Variants in ABR observed in about 807,000 individuals in gnomAD.
The protein encoded by ABR is active breakpoint cluster region-related protein.
A neutral mutation model predicts 107.2 loss-of-function variants in ABR; 35 were observed. That is an observed-to-expected ratio of 0.33 (90% CI 0.25 to 0.43). ABR has a LOEUF of 0.43. Among genes scored for constraint, ABR ranks in the 20% least tolerant of loss-of-function variants. ABR has a pLI of 1.00. For synonymous variants in ABR, 498 were observed against 462.0 expected (o/e 1.08, Z -1.00); for missense variants, 815 against 1,115.2 (o/e 0.73, Z 3.83).
At chr17:1,118,223 CCCCAGCGTTAACCCTGAGCCTGAGTTCCT>C (rs2039137403) in intron 2 of ABR, among the ~76,000 whole-genome samples, 1 of 71,694 alleles carries the variant, frequency 1.4e-5, no homozygotes, top group Non-Finnish European at 2.9e-5. Flanking sequence ...CCTGAGTTCT[CCCCAGCGTTAACCCTGAGCCTGAGTTCCT>C]CCCAGCGTTA....
At chr17:1,146,747 C>CA (rs1489122286) in intron 1 of ABR, among the ~76,000 whole-genome samples, 2 of 139,928 alleles carry the variant, frequency 1.4e-5, no homozygotes, top group Non-Finnish European at 3.2e-5. Flanking sequence ...GACACCACTG[C>CA]CACCACTGCC....
chr17:1,045,053 T>G (rs2031348038), intron 16 of ABR, among the ~76,000 whole-genome samples: 2 of 152,232 alleles, frequency 1.3e-5, no homozygotes, highest in Admixed American at 6.5e-5. Flanking sequence ...AAACAGGCCC[T>G]GATTAAATCT....
intron 2 of ABR, chr17:1,109,082 C>A: frequency 6.3e-7 from 1 of 1,583,642 alleles, no homozygotes; most frequent in Non-Finnish European, 8.6e-7. Flanking sequence ...AGCCGGAGCC[C>A]GCGGAGGGCA....
intron 1 of ABR, among the ~76,000 whole-genome samples, chr17:1,206,954 A>T (rs746496273): frequency 1.3e-5 from 2 of 152,072 alleles, no homozygotes; most frequent in Non-Finnish European, 1.5e-5. Context: ...GCGTGGTGGC[A>T]TGCGCCTGTA....
chr17:1,108,464 C>G lies in ABR; in HGVS notation c.247-7729G>C, dbSNP rs1030363042. On this transcript the variant is annotated intron_variant, in intron 2 of 22. Transcript: ENST00000302538. The stretch of plus-strand genomic sequence containing the variant: ...CAGCCTCCAAGCCAGCTGTTCCCTC[C>G]CCCCTTCAGCTGACCCAGTGCTTTT... 2.6e-5 allele frequency among the ~76,000 whole-genome samples: 4 copies of G among 152,256 alleles called. No homozygotes were observed. The South Asian group carries it at 6.2e-4, about 24-fold the overall frequency.
chr17:1,110,916 C>G (rs2038637909), intron 2 of ABR, among the ~76,000 whole-genome samples: 1 of 152,166 alleles, frequency 6.6e-6, no homozygotes, highest in Non-Finnish European at 1.5e-5. Flanking sequence ...TCTGAAGGGC[C>G]CTTTCAGCCA....
At chr17:1,083,114 ACT>A (rs2036362546) in intron 5 of ABR, among the ~76,000 whole-genome samples, 1 of 123,988 alleles carries the variant, frequency 8.1e-6, no homozygotes, top group Non-Finnish European at 1.6e-5. Context: ...ACAGAGCAAG[ACT>A]CTGTCTCAAA....
At chr17:1,066,169 G>A (rs1294276151) in intron 10 of ABR, among the ~76,000 whole-genome samples, 1 of 152,162 alleles carries the variant, frequency 6.6e-6, no homozygotes, top group Non-Finnish European at 1.5e-5. Flanking sequence ...GTGAGCCACT[G>A]CACCCAGGCT....
rs961615009 is a variant in ABR at position 1,037,192 on chromosome 17, G to A, written c.1791+12858C>T. On this transcript the variant is annotated intron_variant, in intron 16 of 22. Coordinates refer to ENST00000302538, the MANE Select transcript of ABR (RefSeq NM_021962.5). This position sits in a 1 kb window ranked among gnomAD's most constrained non-coding sequence, Gnocchi z 4.6. ...TTGAAGATGGGCACAGTGTAAGGAA[G>A]AAGGCAGTCAGGATGAAATCAGTTG... Among the ~76,000 whole-genome samples, 9 of 152,234 alleles carry A rather than the reference G, an allele frequency of 5.9e-5. No homozygotes were observed. Among genetic ancestry groups the A allele is most frequent in the Non-Finnish European group, 1.0e-4 (7 of 68,038 alleles).
intron 8 of ABR, 57 bp downstream of exon 8, chr17:1,072,557 C>T (rs528812994): frequency 4.6e-6 from 7 of 1,524,004 alleles, no homozygotes; most frequent in East Asian, 4.8e-5. Context: ...GAGAAGGGGA[C>T]GAGGGACCTG....
rs1442749455 is a variant in ABR at position 1,148,852 on chromosome 17, GA to G, written c.62-23486del. 6.6e-6 allele frequency among the ~76,000 whole-genome samples: 1 copy of G among 152,172 alleles called. No homozygotes were observed. Among genetic ancestry groups the G allele is most frequent in the Non-Finnish European group, 1.5e-5 (1 of 68,018 alleles). ...GGGCCACTGATGCGTACACTGGATG[GA>G]AAATTTTAGGCATGTGTATTTTGCC... On this transcript the variant is annotated intron_variant, in intron 1 of 22. Transcript: ENST00000302538. This position sits in a 1 kb window ranked among gnomAD's most constrained non-coding sequence, Gnocchi z 4.9.
intron 4 of ABR, among the ~76,000 whole-genome samples, chr17:1,085,506 C>G (rs970531378): frequency 2.0e-5 from 3 of 152,168 alleles, no homozygotes; most frequent in African/African-American, 7.2e-5. Flanking sequence ...TGAGAATAGG[C>G]ATGGCCTATT....
chr17:1,104,547 A>G (rs1200513179), intron 2 of ABR, among the ~76,000 whole-genome samples: 3 of 152,106 alleles, frequency 2.0e-5, no homozygotes, highest in African/African-American at 7.2e-5. Flanking sequence ...TGCCAGGAGT[A>G]CCCAGCAGGA....
intron 16 of ABR, among the ~76,000 whole-genome samples, chr17:1,017,739 A>T (rs1016637217): frequency 5.9e-5 from 9 of 151,866 alleles, no homozygotes; most frequent in African/African-American, 1.7e-4. Flanking sequence ...AAGTGCTGGG[A>T]TTACAAGTGT....
Position 1,176,882 on chromosome 17 carries a change from GAAAA to G in ABR, c.61+2781_61+2784del, listed in dbSNP as rs869111786. Among the ~76,000 whole-genome samples, 652 of 147,320 alleles carry G rather than the reference GAAAA, an allele frequency of 4.4e-3. 5 individuals carry two copies. The highest frequency in any genetic ancestry group is 0.015 in the African/African-American group (615 of 39,886). On this transcript the variant is annotated intron_variant, in intron 1 of 22. Coordinates refer to ENST00000302538, the MANE Select transcript of ABR (RefSeq NM_021962.5). ...AAAAACAAAAAACAAAAAAAAAAAA[GAAAA>G]AAGAAAGAAAGAGAAAGTGACTATC...
At chr17:1,106,060 C>T (rs562162366) in intron 2 of ABR, among the ~76,000 whole-genome samples, 4 of 152,294 alleles carry the variant, frequency 2.6e-5, no homozygotes, top group East Asian at 3.9e-4. Flanking sequence ...TGCAACATGA[C>T]GCTGCTATCA....
rs1037488799 is a variant in ABR at position 1,014,369 on chromosome 17, A to C, written c.1792-1205T>G. 2.7e-4 allele frequency among the ~76,000 whole-genome samples: 36 copies of C among 134,146 alleles called. 1 individual carries two copies. The allele number at this position is 134,146 out of a possible 152,430, so 88.0% of individuals were successfully genotyped here. A position where few individuals can be genotyped will look rare whatever the true frequency, so the allele number is the denominator to read the frequency against. Reference sequence around the variant, plus strand: ...GGCAGGAGAATAGCGTGAACCCGGGAGGCAGAGCTTGCAGTGAGCCGAGAT... The same window carrying C: ...GGCAGGAGAATAGCGTGAACCCGGGCGGCAGAGCTTGCAGTGAGCCGAGAT... On this transcript the variant is annotated intron_variant, in intron 16 of 22. Transcript: ENST00000302538.
At chr17:1,091,510 A>G (rs2037029148) in intron 4 of ABR, among the ~76,000 whole-genome samples, 155 bp downstream of exon 4, 1 of 152,134 alleles carries the variant, frequency 6.6e-6, no homozygotes, top group Admixed American at 6.5e-5. Context: ...CAGGCACCCC[A>G]TAACACACAG....
chr17:1,193,100 T>C (rs1294643465), intron 1 of ABR, among the ~76,000 whole-genome samples: 1 of 152,026 alleles, frequency 6.6e-6, no homozygotes, highest in East Asian at 1.9e-4. Flanking sequence ...GACGTGGAAA[T>C]GGAGCGAAGA....
Sources: allele counts gnomAD v4.1 joint callset (sites outside exome capture counted in the v4.1 genomes callset), GRCh38; gene constraint gnomAD v4.1.1; non-coding constraint Gnocchi (gnomAD v3.1); transcripts MANE v1.5; gene names NCBI Gene and HGNC (gene_info 2026-07-23, HGNC 2026-07-21).